Variants in SCN11A observed in about 807,000 individuals in gnomAD.
The protein encoded by SCN11A is sodium voltage-gated channel alpha subunit 11.
SCN11A carries 122 observed loss-of-function variants against 162.2 expected under a neutral mutation model. That is an observed-to-expected ratio of 0.75 (90% confidence interval 0.65 to 0.87). The LOEUF (loss-of-function observed/expected upper bound fraction) is 0.87. SCN11A is among the 40% of genes least tolerant of loss of function. The pLI, the probability that SCN11A is intolerant of heterozygous loss-of-function variation, is 0.00. For missense variants in SCN11A, 2,015 were observed against 2,181.6 expected (o/e 0.92, Z 1.52); for synonymous variants, 758 against 751.5 (o/e 1.01, Z -0.14).
intron 14 of SCN11A, 58 bp downstream of exon 14, chr3:38,907,891 T>C: frequency 2.8e-6 from 4 of 1,420,000 alleles, no homozygotes; most frequent in African/African-American, 2.9e-5. Context: ...TGATTGGCAA[T>C]TGGACCTGTC....
intron 7 of SCN11A, among the ~76,000 whole-genome samples, chr3:38,940,594 T>C (rs566394594): frequency 6.6e-6 from 1 of 152,312 alleles, no homozygotes; most frequent in Admixed American, 6.5e-5. Context: ...TTGGGACAAA[T>C]GGATAGACAT....
intron 28 of SCN11A, among the ~76,000 whole-genome samples, chr3:38,860,878 A>G (rs2064952242): frequency 6.6e-6 from 1 of 152,200 alleles, no homozygotes; most frequent in South Asian, 2.1e-4. Context: ...TAGCACTCAG[A>G]AGTCCTAGCC....
intron 23 of SCN11A, among the ~76,000 whole-genome samples, chr3:38,879,108 G>A (rs1185698076): frequency 6.6e-6 from 1 of 152,082 alleles, no homozygotes; most frequent in African/African-American, 2.4e-5. Flanking sequence ...AAGAGCTTTG[G>A]AGTGAGGCTT....
At chr3:39,049,924 C>T (rs2032280916) in intron 1 of SCN11A, among the ~76,000 whole-genome samples, 2 of 152,134 alleles carry the variant, frequency 1.3e-5, no homozygotes, top group Non-Finnish European at 2.9e-5. Context: ...GAAAATTCTG[C>T]CCACTGAAAG....
chr3:38,929,135 G>A (rs115399471), intron 7 of SCN11A, among the ~76,000 whole-genome samples: 4,362 of 66,652 alleles, frequency 0.065, 235 homozygotes, highest in African/African-American at 0.2. Context: ...GTCTGTGCAC[G>A]CACACACACA....
intron 7 of SCN11A, among the ~76,000 whole-genome samples, chr3:38,945,008 T>C (rs943735855): frequency 6.6e-6 from 1 of 152,132 alleles, no homozygotes; most frequent in Non-Finnish European, 1.5e-5. Flanking sequence ...ATTTTTGGCA[T>C]AGTGAACTCC....
At chr3:39,048,520 A>G (rs2032239212) in intron 1 of SCN11A, among the ~76,000 whole-genome samples, 1 of 152,216 alleles carries the variant, frequency 6.6e-6, no homozygotes, top group South Asian at 2.1e-4. Flanking sequence ...AAGAGTGGAT[A>G]TTGAATTTTC....
intron 2 of SCN11A, among the ~76,000 whole-genome samples, chr3:38,989,430 T>G (rs1482594813): frequency 6.6e-6 from 1 of 152,240 alleles, no homozygotes; most frequent in Non-Finnish European, 1.5e-5. Context: ...TGAGCTGTTA[T>G]GCAACAGTAG....
chr3:39,002,660 T>C lies in SCN11A; in HGVS notation c.-280+29720A>G, dbSNP rs747720209. ...TACCCTTTGCCATGTGGCTTTGCAG[T>C]TTCTAGCACTCCTTGATTTTGCATT... On this transcript the variant is annotated intron_variant, in intron 2 of 29. Transcript: ENST00000302328. 2.4e-4 allele frequency among the ~76,000 whole-genome samples: 36 copies of C among 152,246 alleles called. 3 individuals are homozygous for C. The highest frequency in any genetic ancestry group is 4.4e-5 in the Non-Finnish European group (3 of 68,044).
chr3:38,920,306 A>G (rs1186509797), intron 10 of SCN11A, among the ~76,000 whole-genome samples: 1 of 152,218 alleles, frequency 6.6e-6, no homozygotes, highest in Non-Finnish European at 1.5e-5. Flanking sequence ...GACCCATCCC[A>G]TGAGAGACAT....
chr3:39,050,353 T>A (rs1469954178), intron 1 of SCN11A, among the ~76,000 whole-genome samples: 4 of 152,250 alleles, frequency 2.6e-5, no homozygotes, highest in African/African-American at 9.6e-5. Context: ...TCCTGTCTCA[T>A]CCTGGGACTC....
intron 1 of SCN11A, among the ~76,000 whole-genome samples, chr3:39,043,992 G>A (rs566365861): frequency 2.0e-5 from 3 of 152,010 alleles, no homozygotes; most frequent in African/African-American, 7.2e-5. Flanking sequence ...ATGTACCCAC[G>A]AAAGTTAAAG....
At chr3:38,928,617 A>G (rs1230844678) in intron 7 of SCN11A, among the ~76,000 whole-genome samples, 1 of 152,214 alleles carries the variant, frequency 6.6e-6, no homozygotes, top group African/African-American at 2.4e-5. Flanking sequence ...TTAAAAAATG[A>G]CCAAAGGATT....
chr3:38,931,671 C>A (rs377500395), intron 7 of SCN11A, among the ~76,000 whole-genome samples: 8 of 152,322 alleles, frequency 5.3e-5, no homozygotes, highest in African/African-American at 1.9e-4. Flanking sequence ...TAGTCCCTTT[C>A]CTGATGATGT....
intron 1 of SCN11A, among the ~76,000 whole-genome samples, chr3:39,047,032 A>ACCCCCACCCCCATC: frequency 2.7e-5 from 1 of 36,822 alleles, no homozygotes; most frequent in East Asian, 1.3e-3. Flanking sequence ...CCCACCCCCC[A>ACCCCCACCCCCATC]CCCCCACCCC....
chr3:39,044,533 C>A (rs1318253837), intron 1 of SCN11A, among the ~76,000 whole-genome samples: 1 of 151,968 alleles, frequency 6.6e-6, no homozygotes, highest in South Asian at 2.1e-4. Context: ...CGAAACTGTG[C>A]AAATACATAT....
intron 9 of SCN11A, among the ~76,000 whole-genome samples, chr3:38,924,141 C>G (rs2066098004): frequency 6.6e-6 from 1 of 152,070 alleles, no homozygotes; most frequent in East Asian, 1.9e-4. Flanking sequence ...TCCCATCTCC[C>G]CTACATTCCA....
intron 16 of SCN11A, among the ~76,000 whole-genome samples, chr3:38,902,887 G>T (rs775655519): frequency 2.0e-5 from 3 of 150,592 alleles, no homozygotes; most frequent in Non-Finnish European, 4.4e-5. Flanking sequence ...AAAAAAAAAT[G>T]CCAAAAAAGG....
rs746686902 is a variant in SCN11A at position 38,850,528 on chromosome 3, T to C, written c.4280A>G (p.Asn1427Ser). The C allele has an allele frequency of 5.0e-6, 8 of 1,613,712 alleles. No homozygotes were observed. The highest frequency in any genetic ancestry group is 4.5e-5 in the East Asian group (2 of 44,876). Residue 1427 changes from asparagine (N) to serine (S), a missense_variant, in exon 29 of 30, where the codon AAT (asparagine) becomes AGT (serine). Asn to Ser is a conservative substitution (Grantham distance 46, BLOSUM62 1). Coordinates refer to ENST00000302328, the MANE Select transcript of SCN11A (RefSeq NM_001349253.2). Reference sequence around the variant, plus strand: ...CACACAGTCAAATAAATTCCAGCCATTGGTGAAGTAGTATTGCCTCAAAGC... The same window carrying C: ...CACACAGTCAAATAAATTCCAGCCACTGGTGAAGTAGTATTGCCTCAAAGC... ...IFALRQYYFT[N>S]GWNLFDCVVV... is the part of the protein sequence containing the mutation.
Sources: gnomAD v4.1 joint callset for allele counts (sites outside exome capture counted in the v4.1 genomes callset) on GRCh38, gnomAD v4.1.1 for gene constraint, MANE v1.5 for transcripts, NCBI Gene and HGNC (gene_info 2026-07-23, HGNC 2026-07-21) for gene names.